Variants in PCDHA12 observed in about 807,000 individuals in gnomAD.
The protein encoded by PCDHA12 is protocadherin alpha-12.
In PCDHA12, 44 loss-of-function variants were observed where a neutral mutation model predicts 60.0. The ratio of observed to expected loss-of-function variants is 0.73; its 90% CI spans 0.58 to 0.94. The LOEUF is 0.94. Among genes scored for constraint, PCDHA12 ranks in the 40% least tolerant of loss-of-function variants. PCDHA12 has a pLI of 0.00. For synonymous variants in PCDHA12, 569 were observed against 553.0 expected, an observed-to-expected ratio of 1.03 and a Z score of -0.40; for missense variants, 1,276 against 1,239.7, an observed-to-expected ratio of 1.03 and a Z score of -0.44.
At chr5:140,924,715 C>T (rs1258622619) in intron 1 of PCDHA12, among the ~76,000 whole-genome samples, 5 of 151,692 alleles carry the variant, frequency 3.3e-5, no homozygotes, top group African/African-American at 7.3e-5. Context: ...TGCAACATGG[C>T]GAAACCTCAC....
rs2098422174 is a variant in PCDHA12 at position 141,011,893 on chromosome 5, T to G, written c.*1956T>G. On this transcript the variant is annotated 3_prime_UTR_variant, in exon 4 of 4. Coordinates refer to ENST00000398631, the MANE Select transcript of PCDHA12 (RefSeq NM_018903.4). ...CAATTTAGAAGTTTGATTAATTATATTATCTATTTAGGCATTAATATAAAA... is the reference window on the plus strand; with the variant it reads ...CAATTTAGAAGTTTGATTAATTATAGTATCTATTTAGGCATTAATATAAAA... The G allele has an allele frequency of 6.5e-6, 1 of 153,362 alleles. No individual in the cohort carries two copies. Among genetic ancestry groups the G allele is most frequent in the Admixed American group, 6.5e-5 (1 of 15,272 alleles). 9.5% of individuals were successfully genotyped at this position (153,362 alleles called of 1,614,324 possible). A position where few individuals can be genotyped will look rare whatever the true frequency, so the allele number is the denominator to read the frequency against.
At chr5:140,920,411 T>G (rs533328116) in intron 1 of PCDHA12, among the ~76,000 whole-genome samples, 39 of 152,352 alleles carry the variant, frequency 2.6e-4, no homozygotes, top group Middle Eastern at 3.4e-3. Flanking sequence ...TTTAATCAGA[T>G]ACAGCTGTTC....
chr5:140,911,729 C>T (rs571299791), intron 1 of PCDHA12, among the ~76,000 whole-genome samples: 16 of 152,252 alleles, frequency 1.1e-4, no homozygotes, highest in South Asian at 4.2e-4. Flanking sequence ...GTAAACAGTT[C>T]GTGCCAAGGA....
chr5:140,924,008 C>T lies in PCDHA12; in HGVS notation c.2367+46169C>T, dbSNP rs75028295. On this transcript the variant is annotated intron_variant, in intron 1 of 3. Coordinates refer to ENST00000398631, the MANE Select transcript of PCDHA12 (RefSeq NM_018903.4). ...TAGGTGCAGCTCAGAATTCCTAAAC[C>T]TGGTATAATTGGAGGCATGGCTGCA... 7.8e-3 allele frequency among the ~76,000 whole-genome samples: 1,191 copies of T among 152,262 alleles called. 21 individuals are homozygous for T. The highest frequency in any genetic ancestry group is 0.026 in the African/African-American group (1,098 of 41,552).
rs140457638 is a variant in PCDHA12, at chr5:140,883,730, G to T, written c.2367+5891G>T. On this transcript the variant is annotated intron_variant, in intron 1 of 3. Coordinates refer to ENST00000398631, the MANE Select transcript of PCDHA12 (RefSeq NM_018903.4). ...TCAGGACGCGGACGCACAGGAGAAC[G>T]CGCTGGTCTCCTACTCGCTGGTGGA... 4.3e-6 allele frequency: 7 copies of T among 1,613,530 alleles called. No homozygotes were observed. The East Asian group carries it at 1.6e-4, about 36-fold the overall frequency.
In PCDHA12 at chr5:140,876,297, A is replaced by G; in HGVS notation, c.825A>G (p.Gly275=). Residue 275 remains glycine, a synonymous_variant, in exon 1 of 4, where the codon GGA becomes GGG. Transcript: ENST00000398631. ...CCGATCCAGACGAAGGACTTAATGG[A>G]GAAATTTCCTATGGGATCAAAATGA... ...NASDPDEGLN[G]EISYGIKMIL... 6.2e-7 allele frequency: 1 copy of G among 1,614,092 alleles called. No individual in the cohort carries two copies. The highest frequency in any genetic ancestry group is 8.5e-7 in the Non-Finnish European group (1 of 1,179,908).
chr5:140,948,645 C>T (rs1468901970), intron 1 of PCDHA12, among the ~76,000 whole-genome samples: 1 of 151,562 alleles, frequency 6.6e-6, no homozygotes. Flanking sequence ...CATCTTTTAA[C>T]GTCTGTATAA....
chr5:140,997,668 T>TTGTGTGTGTGTG (rs35184029), intron 3 of PCDHA12, among the ~76,000 whole-genome samples: 18 of 148,344 alleles, frequency 1.2e-4, no homozygotes, highest in Middle Eastern at 3.4e-3. Flanking sequence ...ATTATACAGC[T>TTGTGTGTGTGTG]TGTGTGTGTG....
intron 1 of PCDHA12, among the ~76,000 whole-genome samples, chr5:140,954,347 G>A (rs145658065): frequency 0.023 from 3,565 of 152,288 alleles, 49 homozygotes; most frequent in Middle Eastern, 0.034. Flanking sequence ...CTAGATCTTT[G>A]AGGAATCGCC....
chr5:140,967,090 G>A (rs1320117719), intron 1 of PCDHA12: 2 of 1,613,240 alleles, frequency 1.2e-6, no homozygotes, highest in African/African-American at 2.7e-5. Context: ...TTGATCGGGA[G>A]GCGCTGTGTG....
intron 1 of PCDHA12, among the ~76,000 whole-genome samples, chr5:140,925,385 C>G (rs559735505): frequency 6.4e-4 from 97 of 152,144 alleles, no homozygotes; most frequent in Non-Finnish European, 1.2e-3. Context: ...AATGAGTCTC[C>G]TTTTGGCTCG....
intron 1 of PCDHA12, among the ~76,000 whole-genome samples, chr5:140,920,730 G>A (rs902169780): frequency 6.6e-6 from 1 of 152,058 alleles, no homozygotes; most frequent in Non-Finnish European, 1.5e-5. Context: ...TGCAGTCCCA[G>A]CTACTCAGGA....
intron 1 of PCDHA12, among the ~76,000 whole-genome samples, chr5:140,971,359 G>T (rs537725732): frequency 6.6e-5 from 10 of 152,312 alleles, no homozygotes; most frequent in Admixed American, 3.3e-4. Flanking sequence ...GGGAGATTTT[G>T]CCAGGAGAGT....
At chr5:140,906,872 C>T (rs1421521976) in intron 1 of PCDHA12, among the ~76,000 whole-genome samples, 4 of 152,230 alleles carry the variant, frequency 2.6e-5, no homozygotes, top group African/African-American at 9.6e-5. Flanking sequence ...CCAGCCAACA[C>T]TGTAACTTCC....
At position 140,900,403 on chromosome 5, in the gene PCDHA12, A is replaced by G. The variant is rs569079456; in HGVS notation, c.2367+22564A>G. ...AGCGATTCTCCTGCCTCAGCCTCCC[A>G]AGTAGCTGGGATTATAGGCACGTGC... On this transcript the variant is annotated intron_variant, in intron 1 of 3. Coordinates refer to ENST00000398631, the MANE Select transcript of PCDHA12 (RefSeq NM_018903.4). 2.4e-3 allele frequency among the ~76,000 whole-genome samples: 360 copies of G among 152,066 alleles called. 1 individual carries two copies. Among genetic ancestry groups the G allele is most frequent in the African/African-American group, 8.1e-3 (336 of 41,500 alleles).
chr5:140,947,131 G>A (rs994081159), intron 1 of PCDHA12, among the ~76,000 whole-genome samples: 10 of 151,080 alleles, frequency 6.6e-5, no homozygotes, highest in African/African-American at 2.2e-4. Context: ...AATAAAAATA[G>A]TAAAATGTAT....
intron 3 of PCDHA12, among the ~76,000 whole-genome samples, chr5:140,983,660 A>G (rs1460631508): frequency 6.6e-6 from 1 of 152,244 alleles, no homozygotes; most frequent in African/African-American, 2.4e-5. Context: ...TAAGTGGCAG[A>G]GGGTAGGATT....
At chr5:140,884,400 T>C (rs2060147472) in intron 1 of PCDHA12, 1 of 1,613,972 alleles carries the variant, frequency 6.2e-7, no homozygotes, top group Non-Finnish European at 8.5e-7. Context: ...TCCAGCCTGT[T>C]GGTGCTCACG....
rs982709387 is a variant in PCDHA12, at chr5:141,003,306, C to T, written c.2516-6321C>T. ...TGGATTATAGGATTACATGAAGTGG[C>T]CAGCTACTTCCAGAGGGCAGGGTTT... On this transcript the variant is annotated intron_variant, in intron 3 of 3. Coordinates refer to ENST00000398631, the MANE Select transcript of PCDHA12 (RefSeq NM_018903.4). 1.7e-4 allele frequency among the ~76,000 whole-genome samples: 26 copies of T among 152,276 alleles called. No homozygotes were observed. In the East Asian group the frequency reaches 4.1e-3, roughly 24 times the overall value.
Sources: gnomAD v4.1 joint callset for allele counts (sites outside exome capture counted in the v4.1 genomes callset) on GRCh38, gnomAD v4.1.1 for gene constraint, MANE v1.5 for transcripts, NCBI Gene and HGNC (gene_info 2026-07-23, HGNC 2026-07-21) for gene names.